The following LGSN variants were observed in gnomAD, a reference collection of about 807,000 sequenced individuals.
LGSN encodes the protein lengsin, lens protein with glutamine synthetase domain.
Under a neutral mutation model 19.5 loss-of-function variants are expected in LGSN, and 21 were observed. That is an observed-to-expected ratio of 1.07 (90% CI 0.76 to 1.55). The LOEUF is 1.55. Among genes scored for constraint, LGSN ranks in the 40% most tolerant of loss-of-function variants. LGSN has a pLI of 0.00. For synonymous variants in LGSN, 257 were observed against 215.6 expected (o/e 1.19, Z -1.68); for missense variants, 673 against 608.5 (o/e 1.11, Z -1.12).
At chr6:63,566,397 G>A in the LGSN span, among the ~76,000 whole-genome samples, 1 of 152,078 alleles carries the variant, frequency 6.6e-6, no homozygotes, top group Admixed American at 6.6e-5. Context: ...TCAGGGTCGG[G>A]GTCAGTTTCT....
chr6:63,378,844 C>T, the LGSN span, among the ~76,000 whole-genome samples: 1 of 152,186 alleles, frequency 6.6e-6, no homozygotes, highest in Non-Finnish European at 1.5e-5. Flanking sequence ...TCAATTTCAA[C>T]ATGTGATTTG....
At chr6:63,498,400 T>C in the LGSN span, among the ~76,000 whole-genome samples, 1 of 152,086 alleles carries the variant, frequency 6.6e-6, no homozygotes, top group Non-Finnish European at 1.5e-5. Flanking sequence ...CAACCCATTA[T>C]TCCCTATCTC....
the LGSN span, among the ~76,000 whole-genome samples, chr6:63,357,047 G>A: frequency 3.0e-5 from 4 of 134,404 alleles, no homozygotes; most frequent in Non-Finnish European, 6.1e-5. Flanking sequence ...TGTTCTCATT[G>A]TTCAATTCCC....
the LGSN span, among the ~76,000 whole-genome samples, chr6:63,561,490 C>T: frequency 8.5e-5 from 13 of 152,242 alleles, no homozygotes; most frequent in African/African-American, 3.1e-4. Flanking sequence ...ATCTTTAGAC[C>T]TTTCTATTCT....
chr6:63,486,131 A>C, the LGSN span, among the ~76,000 whole-genome samples: 1 of 152,196 alleles, frequency 6.6e-6, no homozygotes, highest in African/African-American at 2.4e-5. Context: ...CAGGAAGGCA[A>C]TTATTGACAA....
At chr6:63,454,869 T>C in the LGSN span, among the ~76,000 whole-genome samples, 1 of 142,408 alleles carries the variant, frequency 7.0e-6, no homozygotes, top group Non-Finnish European at 1.5e-5. Flanking sequence ...CTCTGCTCGC[T>C]GCAACCTCCA....
chr6:63,562,293 G>A, the LGSN span, among the ~76,000 whole-genome samples: 4 of 150,456 alleles, frequency 2.7e-5, no homozygotes, highest in South Asian at 2.1e-4. Context: ...TTCGCCTCCC[G>A]GGTTCAAGTG....
chr6:63,368,909 A>G, the LGSN span, among the ~76,000 whole-genome samples: 1 of 152,252 alleles, frequency 6.6e-6, no homozygotes, highest in African/African-American at 2.4e-5. Context: ...ACCAAAAACC[A>G]TCAACTTGTT....
At chr6:63,344,641 A>G in the LGSN span, among the ~76,000 whole-genome samples, 10 of 152,148 alleles carry the variant, frequency 6.6e-5, no homozygotes, top group Non-Finnish European at 1.5e-4. Flanking sequence ...TGGACATTGT[A>G]AGAATGCCTG....
upstream of LGSN, among the ~76,000 whole-genome samples, chr6:63,320,228 AT>A (rs1279327725): frequency 6.6e-6 from 1 of 152,118 alleles, no homozygotes; most frequent in East Asian, 1.9e-4. Context: ...GTGTTGGTTG[AT>A]TTTTTTCTCC....
the LGSN span, among the ~76,000 whole-genome samples, chr6:63,534,716 G>A: frequency 1.3e-5 from 2 of 150,484 alleles, no homozygotes; most frequent in South Asian, 2.1e-4. Flanking sequence ...GGGAGGCTGA[G>A]GCAGGTGGAT....
intron 1 of LGSN, among the ~76,000 whole-genome samples, chr6:63,311,933 T>C (rs1768644472): frequency 6.6e-6 from 1 of 152,204 alleles, no homozygotes; most frequent in African/African-American, 2.4e-5. Flanking sequence ...TTCTACTCTC[T>C]GCTTCTCTGA....
the LGSN span, among the ~76,000 whole-genome samples, chr6:63,540,445 A>C: frequency 6.6e-6 from 1 of 151,842 alleles, no homozygotes; most frequent in African/African-American, 2.4e-5. Context: ...ACATGGTGAA[A>C]CCCCGTCTCT....
chr6:63,539,702 G>A, the LGSN span, among the ~76,000 whole-genome samples: 1 of 152,024 alleles, frequency 6.6e-6, no homozygotes, highest in Non-Finnish European at 1.5e-5. Flanking sequence ...CCGGGAGAGG[G>A]AGGTTGCAGT....
At chr6:63,497,024 G>A in the LGSN span, among the ~76,000 whole-genome samples, 1 of 151,828 alleles carries the variant, frequency 6.6e-6, no homozygotes, top group Non-Finnish European at 1.5e-5. Flanking sequence ...TTAGTGATAG[G>A]GTCTCACTCC....
the LGSN span, among the ~76,000 whole-genome samples, chr6:63,491,910 TC>T: frequency 6.6e-6 from 1 of 151,844 alleles, no homozygotes; most frequent in Admixed American, 6.6e-5. Context: ...GTGCCTGTAA[TC>T]CCATCTACTC....
At chr6:63,508,774 G>T in the LGSN span, among the ~76,000 whole-genome samples, 5 of 151,456 alleles carry the variant, frequency 3.3e-5, no homozygotes, top group Non-Finnish European at 7.4e-5. Context: ...AAAAAATTAG[G>T]CGGGCGTGGT....
At chr6:63,498,364 C>T in the LGSN span, among the ~76,000 whole-genome samples, 909 of 151,992 alleles carry the variant, frequency 6.0e-3, 5 homozygotes, top group Middle Eastern at 0.051. Context: ...TTTAAAAAAA[C>T]CTGGTCAGAG....
the LGSN span, among the ~76,000 whole-genome samples, chr6:63,367,596 C>T: frequency 0.072 from 9,872 of 136,878 alleles, 974 homozygotes; most frequent in African/African-American, 0.23. Flanking sequence ...ACTGGGTATA[C>T]ACCCAAAGGA....
Sources: gnomAD v4.1 joint callset for allele counts (sites outside exome capture counted in the v4.1 genomes callset) on GRCh38, gnomAD v4.1.1 for gene constraint, MANE v1.5 for transcripts, NCBI Gene and HGNC (gene_info 2026-07-23, HGNC 2026-07-21) for gene names.